Variants in E2F7 observed in about 807,000 individuals in gnomAD.
E2F7 encodes the protein E2F transcription factor 7, also known as transcription factor E2F7.
Under a neutral mutation model 81.1 loss-of-function variants are expected in E2F7, and 35 were observed. The ratio of observed to expected loss-of-function variants is 0.43; its 90% confidence interval spans 0.33 to 0.57. E2F7 has a LOEUF of 0.57. Ranked by LOEUF, E2F7 falls within the 20% of genes least tolerant of loss-of-function variation. E2F7 has a pLI of 0.04. For synonymous variants in E2F7, 416 were observed against 416.2 expected (o/e 1.00, Z 0.01); for missense variants, 961 against 1,093.7 (o/e 0.88, Z 1.71).
intron 3 of E2F7, among the ~76,000 whole-genome samples, chr12:77,053,821 A>T (rs1027207108): frequency 6.6e-6 from 1 of 152,232 alleles, no homozygotes; most frequent in African/African-American, 2.4e-5. Flanking sequence ...CTCTAAGACT[A>T]TAAATACAAA....
chr12:77,044,605 G>C (rs1295158018), intron 6 of E2F7, 32 bp downstream of exon 6: 1 of 1,608,796 alleles, frequency 6.2e-7, no homozygotes. Context: ...CCCTTTATGT[G>C]CTAGTAAGTT....
At chr12:77,024,242 G>A (rs1452373220) in intron 12 of E2F7, 57 bp from the exon 13 acceptor site, 4 of 1,543,594 alleles carry the variant, frequency 2.6e-6, no homozygotes, top group Non-Finnish European at 1.7e-6. Flanking sequence ...TGATCTCTGA[G>A]TAGAAAGGCA....
intron 6 of E2F7, 123 bp downstream of exon 6, chr12:77,044,514 G>A: frequency 8.1e-7 from 1 of 1,238,992 alleles, no homozygotes; most frequent in African/African-American, 1.5e-5. Context: ...CTTGATGAAT[G>A]CAGGAAAGGA....
At chr12:77,024,630 C>T (rs1954743692) in intron 12 of E2F7, among the ~76,000 whole-genome samples, 1 of 152,132 alleles carries the variant, frequency 6.6e-6, no homozygotes, top group Admixed American at 6.5e-5. Flanking sequence ...AATATTTATC[C>T]CCTAATGTTA....
Position 77,025,833 on chromosome 12 carries a change from T to C in E2F7, c.2290A>G (p.Met764Val), listed in dbSNP as rs1480557168. ...AGAGTAGAAGAAACCGGGCCCGGCATTGCAGGAGAATAGAGAACAGGAAAA... is the reference window on the plus strand; with the variant it reads ...AGAGTAGAAGAAACCGGGCCCGGCACTGCAGGAGAATAGAGAACAGGAAAA... ...GPFPVLYSPA[M>V]PGPVSSTLGA... Residue 764 changes from methionine to valine, a missense_variant, in exon 12 of 13, where the codon ATG becomes GTG. Met to Val is a conservative substitution (Grantham distance 21). Around this residue, in one of 3 missense-constraint regions of E2F7, gnomAD observed 587 missense variants for 620.3 expected, o/e 0.95. Coordinates refer to ENST00000322886, the MANE Select transcript of E2F7 (RefSeq NM_203394.3). 2 of 1,613,852 alleles carry C rather than the reference T, an allele frequency of 1.2e-6. No homozygotes were observed. The highest frequency in any genetic ancestry group is 8.5e-7 in the Non-Finnish European group (1 of 1,179,976).
intron 11 of E2F7, 67 bp from the exon 12 acceptor site, chr12:77,026,049 T>C (rs1954756875): frequency 6.7e-7 from 1 of 1,482,400 alleles, no homozygotes; most frequent in African/African-American, 1.4e-5. Flanking sequence ...CAAGCTCACA[T>C]TTGTCATGGC....
chr12:77,054,349 A>G (rs921836749), intron 3 of E2F7, among the ~76,000 whole-genome samples: 5 of 152,168 alleles, frequency 3.3e-5, no homozygotes, highest in African/African-American at 1.2e-4. Context: ...AAAAAAATCA[A>G]TTGTATTTGT....
At chr12:77,029,298 T>C (rs2120628164) in intron 10 of E2F7, among the ~76,000 whole-genome samples, 1 of 152,336 alleles carries the variant, frequency 6.6e-6, no homozygotes, top group Admixed American at 6.5e-5. Flanking sequence ...TGGTCATATC[T>C]CATTAACCTC....
chr12:77,046,471 A>G (rs999477020), intron 4 of E2F7, 143 bp from the exon 5 acceptor site: 1 of 837,142 alleles, frequency 1.2e-6, no homozygotes, highest in Non-Finnish European at 1.8e-6. Flanking sequence ...AAGGAATTCA[A>G]CCTGTAAGGA....
At position 77,024,023 on chromosome 12, in the gene E2F7, C is replaced by T. The variant is rs761236330; in HGVS notation, c.2728G>A (p.Ala910Thr). Residue 910 changes from alanine (A) to threonine (T), a missense_variant, in exon 13 of 13, where the codon GCT (alanine) becomes ACT (threonine). Transcript: ENST00000322886. ...CCTGGCAAAGCGGCAGGTTAGTCAG[C>T]GCCGCCGCTGGGGATTTCTAGTCTC... Reference protein sequence around the residue: ...QRRLEIPSGGAD With the variant: ...QRRLEIPSGGTD 53 of 1,613,114 alleles carry T rather than the reference C, an allele frequency of 3.3e-5. No homozygotes were observed. Among genetic ancestry groups the T allele is most frequent in the Admixed American group, 1.0e-4 (6 of 59,940 alleles).
rs545566905 is a variant in E2F7, at chr12:77,037,045, G to A, written c.1124-3003C>T. On this transcript the variant is annotated intron_variant, in intron 7 of 12. Transcript: ENST00000322886. ...ATTACAGGCGTGAGCCACCGCGCCC[G>A]GCCCAACCTAGAATTCTTTACCCAG... is the stretch of plus-strand genomic sequence containing the variant. 9.2e-5 allele frequency among the ~76,000 whole-genome samples: 14 copies of A among 152,216 alleles called. No homozygotes were observed. The East Asian group carries it at 1.5e-3, about 17-fold the overall frequency.
chr12:77,048,860 C>CT (rs1325132046), intron 4 of E2F7, among the ~76,000 whole-genome samples: 1 of 152,206 alleles, frequency 6.6e-6, no homozygotes, highest in Non-Finnish European at 1.5e-5. Context: ...GGCCCTCCAA[C>CT]ATCTAATCCT....
rs1402296615 is a variant in E2F7 at position 77,046,308 on chromosome 12, A to G, written c.559T>C (p.Tyr187His). Residue 187 changes from tyrosine to histidine, a missense_variant, in exon 5 of 13, where the codon TAT (tyrosine) becomes CAT (histidine). Physicochemically the swap from Tyr to His is moderately conservative, Grantham distance 83 (BLOSUM62 2). Around this residue, in one of 3 missense-constraint regions of E2F7, gnomAD observed 301 missense variants for 405.0 expected, o/e 0.74. Coordinates refer to ENST00000322886, the MANE Select transcript of E2F7 (RefSeq NM_203394.3). ...VSLGVERRRI[Y>H]DIVNVLESLH... ...GACTCCAGCACATTTACAATGTCAT[A>G]GATGCGTCTCCTTTCCACACCTGTT... is the stretch of plus-strand genomic sequence containing the variant. 1 of 1,613,664 alleles carries G rather than the reference A, an allele frequency of 6.2e-7. No individual in the cohort carries two copies. The highest frequency in any genetic ancestry group is 8.5e-7 in the Non-Finnish European group (1 of 1,179,662).
chr12:77,028,762 C>T (rs1377863339), intron 10 of E2F7, among the ~76,000 whole-genome samples: 1 of 152,152 alleles, frequency 6.6e-6, no homozygotes. Context: ...CATAAGCCAC[C>T]GCGCCCGGCT....
At chr12:77,028,383 G>T (rs1220974064) in intron 10 of E2F7, among the ~76,000 whole-genome samples, 2 of 151,832 alleles carry the variant, frequency 1.3e-5, no homozygotes, top group Non-Finnish European at 2.9e-5. Flanking sequence ...GTAGAGATGG[G>T]GTTTCACCAT....
At chr12:77,047,980 T>C (rs1179463058) in intron 4 of E2F7, among the ~76,000 whole-genome samples, 1 of 152,200 alleles carries the variant, frequency 6.6e-6, no homozygotes, top group African/African-American at 2.4e-5. Context: ...GGCTGTTTTG[T>C]TAGTTGATAT....
At chr12:77,042,991 G>A (rs1954906389) in intron 7 of E2F7, 74 bp downstream of exon 7, 2 of 1,600,846 alleles carry the variant, frequency 1.2e-6, no homozygotes, top group African/African-American at 1.3e-5. Context: ...TCACTGTGTA[G>A]TAGATGTGAG....
chr12:77,045,500 T>C (rs1954932675), intron 5 of E2F7: 1 of 153,456 alleles, frequency 6.5e-6, no homozygotes, highest in Non-Finnish European at 1.5e-5. Context: ...TACTTGTACT[T>C]TGTCATCTTA....
Position 77,025,875 on chromosome 12 carries a change from A to T in E2F7, c.2248T>A (p.Ser750Thr), listed in dbSNP as rs1954753863. 1.2e-6 allele frequency: 2 copies of T among 1,613,972 alleles called. No homozygotes were observed. The highest frequency in any genetic ancestry group is 3.3e-5 in the Admixed American group (2 of 59,988). Residue 750 changes from serine to threonine, a missense_variant, in exon 12 of 13, where the codon TCT becomes ACT. Ser to Thr is a moderately conservative substitution (Grantham distance 58). Around this residue, in one of 3 missense-constraint regions of E2F7, gnomAD observed 587 missense variants for 620.3 expected, o/e 0.95. Coordinates refer to ENST00000322886, the MANE Select transcript of E2F7 (RefSeq NM_203394.3). Reference sequence around the variant, plus strand: ...ACAGGAAAAGGGCCCAGAGGTGGAGATGGTAAGACCATGCAAGGGACACTG... The same window carrying T: ...ACAGGAAAAGGGCCCAGAGGTGGAGTTGGTAAGACCATGCAAGGGACACTG... The part of the protein sequence containing the change: ...SFSVPCMVLP[S>T]PPLGPFPVLY...
Sources: gnomAD v4.1 joint callset for allele counts (sites outside exome capture counted in the v4.1 genomes callset) on GRCh38, gnomAD v4.1.1 for gene constraint, gnomAD v4.1.1 regional missense constraint, MANE v1.5 for transcripts, NCBI Gene and HGNC (gene_info 2026-07-23, HGNC 2026-07-21) for gene names.